The following PRELID2 variants were observed in gnomAD, a reference collection of about 807,000 sequenced individuals.
PRELID2 encodes the protein PRELI domain containing 2, also known as PRELI domain-containing protein 2.
A neutral mutation model predicts 28.4 loss-of-function variants in PRELID2; 25 were observed. The observed-to-expected ratio is 0.88, with a 90% CI of 0.64 to 1.23. The LOEUF (loss-of-function observed/expected upper bound fraction) is 1.23. Among genes scored for constraint, PRELID2 ranks in the 50% most tolerant of loss-of-function variants. The pLI is 0.00. For synonymous variants in PRELID2, 76 were observed against 71.6 expected, an observed-to-expected ratio of 1.06 and a Z score of -0.31; for missense variants, 201 against 214.4, an observed-to-expected ratio of 0.94 and a Z score of 0.39.
chr5:145,333,819 C>CAAAAA, the PRELID2 span, among the ~76,000 whole-genome samples: 349 of 91,080 alleles, frequency 3.8e-3, 4 homozygotes, highest in African/African-American at 0.013. Context: ...CTGGAGTATA[C>CAAAAA]AAAAAAAAAA....
chr5:145,669,946 C>A (rs1754672839), intron 1 of PRELID2, among the ~76,000 whole-genome samples: 1 of 152,132 alleles, frequency 6.6e-6, no homozygotes, highest in Non-Finnish European at 1.5e-5. Context: ...CTGCAGCGAA[C>A]TTACTACACT....
At chr5:145,535,638 C>A (rs1752692047) in intron 1 of PRELID2, among the ~76,000 whole-genome samples, 1 of 151,774 alleles carries the variant, frequency 6.6e-6, no homozygotes, top group Non-Finnish European at 1.5e-5. Context: ...ATGGAAGGAA[C>A]AATGAGGCAC....
chr5:145,230,100 C>T, the PRELID2 span: 11 of 620,662 alleles, frequency 1.8e-5, no homozygotes, highest in African/African-American at 1.8e-4. Flanking sequence ...TTGCAGATCC[C>T]CCAAGTACAG....
the PRELID2 span, among the ~76,000 whole-genome samples, chr5:145,405,478 T>G: frequency 2.6e-5 from 4 of 152,134 alleles, no homozygotes; most frequent in African/African-American, 9.7e-5. Flanking sequence ...AGTCCACATA[T>G]AAGTGAGATC....
At chr5:145,337,687 A>ATATATG in the PRELID2 span, among the ~76,000 whole-genome samples, 7 of 1,930 alleles carry the variant, frequency 3.6e-3, no homozygotes, top group African/African-American at 0.022. Flanking sequence ...CATAGGGCAA[A>ATATATG]TATATATATA....
At chr5:145,362,740 A>G in the PRELID2 span, among the ~76,000 whole-genome samples, 1 of 152,172 alleles carries the variant, frequency 6.6e-6, no homozygotes, top group African/African-American at 2.4e-5. Flanking sequence ...AGTTAGGCTT[A>G]TGCCAATGAT....
chr5:145,822,175 CT>C (rs1754875472), intron 2 of PRELID2, among the ~76,000 whole-genome samples: 1 of 152,154 alleles, frequency 6.6e-6, no homozygotes. Context: ...GTCCCCAAAG[CT>C]TTGTACATTG....
chr5:145,517,091 A>G (rs1401341541), intron 1 of PRELID2, among the ~76,000 whole-genome samples: 1 of 152,114 alleles, frequency 6.6e-6, no homozygotes, highest in Non-Finnish European at 1.5e-5. Flanking sequence ...AGACTTCATG[A>G]CTAAAACACC....
intron 1 of PRELID2, among the ~76,000 whole-genome samples, chr5:145,477,152 C>T (rs1022955543): frequency 3.3e-5 from 5 of 152,008 alleles, no homozygotes; most frequent in Admixed American, 6.6e-5. Context: ...AGGCTTTATC[C>T]GAATAAGAGA....
At chr5:145,697,147 T>A (rs967053543) in intron 1 of PRELID2, among the ~76,000 whole-genome samples, 3 of 144,032 alleles carry the variant, frequency 2.1e-5, no homozygotes, top group African/African-American at 7.6e-5. Context: ...TAGGCACACA[T>A]ACAATATAAA....
At chr5:145,441,783 G>T in the PRELID2 span, among the ~76,000 whole-genome samples, 1 of 152,052 alleles carries the variant, frequency 6.6e-6, no homozygotes, top group Non-Finnish European at 1.5e-5. Context: ...GCATTTTGAG[G>T]TAGGGCTTCA....
At chr5:145,683,513 C>T (rs2149690556) in intron 1 of PRELID2, among the ~76,000 whole-genome samples, 1 of 152,258 alleles carries the variant, frequency 6.6e-6, no homozygotes, top group Non-Finnish European at 1.5e-5. Flanking sequence ...GGACTCTCTC[C>T]TAGACTTTCA....
intron 1 of PRELID2, among the ~76,000 whole-genome samples, chr5:145,642,792 T>G (rs1260172301): frequency 6.6e-6 from 1 of 152,240 alleles, no homozygotes; most frequent in African/African-American, 2.4e-5. Flanking sequence ...CCATTGCTTG[T>G]TTGTGTCAGG....
chr5:145,530,891 T>C (rs1752649594), intron 1 of PRELID2, among the ~76,000 whole-genome samples: 1 of 152,080 alleles, frequency 6.6e-6, no homozygotes, highest in Non-Finnish European at 1.5e-5. Flanking sequence ...ATACTCCATC[T>C]TGAGTGGAGA....
the PRELID2 span, among the ~76,000 whole-genome samples, chr5:145,265,196 C>A: frequency 6.6e-6 from 1 of 151,846 alleles, no homozygotes; most frequent in Non-Finnish European, 1.5e-5. Context: ...CAACTCATCA[C>A]CTTTTACCAT....
rs143171945 is a variant in PRELID2, at chr5:145,525,424, T to G, written n.71-52109A>C. 6.5e-3 allele frequency among the ~76,000 whole-genome samples: 989 copies of G among 152,324 alleles called. 17 individuals carry two copies. Among genetic ancestry groups the G allele is most frequent in the African/African-American group, 0.022 (926 of 41,556 alleles). On this transcript the variant is annotated intron_variant and non_coding_transcript_variant, in intron 1 of 2. Transcript: ENST00000510259. ...TAATGATATCGCCTTTTTAAATTTC[T>G]AAATAATATGGAGTTGAGGGTTTTT...
chr5:145,778,549 T>C (rs949619250), intron 5 of PRELID2, among the ~76,000 whole-genome samples: 1 of 152,190 alleles, frequency 6.6e-6, no homozygotes, highest in African/African-American at 2.4e-5. Flanking sequence ...CTGAAACAGT[T>C]ACAACACAAA....
chr5:145,376,431 C>A, the PRELID2 span, among the ~76,000 whole-genome samples: 1 of 152,100 alleles, frequency 6.6e-6, no homozygotes, highest in East Asian at 1.9e-4. Flanking sequence ...GGGGAGGAGT[C>A]CCTTCTCCTC....
intron 1 of PRELID2, among the ~76,000 whole-genome samples, chr5:145,527,383 A>C (rs1752617306): frequency 6.6e-6 from 1 of 152,218 alleles, no homozygotes; most frequent in Non-Finnish European, 1.5e-5. Context: ...TTTATGCAAG[A>C]GGTTACCAGT....
Sources: allele counts gnomAD v4.1 joint callset (sites outside exome capture counted in the v4.1 genomes callset), GRCh38; gene constraint gnomAD v4.1.1; transcripts MANE v1.5; gene names NCBI Gene and HGNC (gene_info 2026-07-23, HGNC 2026-07-21).